Variants in OSBPL11 observed in about 807,000 individuals in gnomAD.
OSBPL11 encodes oxysterol binding protein like 11, also known as oxysterol-binding protein-related protein 11.
A neutral mutation model predicts 84.4 loss-of-function variants in OSBPL11; 33 were observed. The observed-to-expected ratio is 0.39, with a 90% CI of 0.30 to 0.52. The LOEUF is 0.52. Among genes scored for constraint, OSBPL11 ranks in the 20% least tolerant of loss-of-function variants. The pLI is 0.72. For missense variants in OSBPL11, 736 were observed against 901.1 expected (o/e 0.82, Z 2.35); for synonymous variants, 276 against 310.2 (o/e 0.89, Z 1.16).
In OSBPL11 at chr3:125,573,956, G is replaced by T. The variant is rs1936278989; in HGVS notation, c.666+2233C>A. ...TAACACTAAACTTACCCACAGATTT[G>T]ATTAAAATGTTCGTTTCAAACTCAC... On this transcript the variant is annotated intron_variant, in intron 5 of 12. Transcript: ENST00000296220. 2.7e-5 allele frequency among the ~76,000 whole-genome samples: 4 copies of T among 146,832 alleles called. No homozygotes were observed. The South Asian group carries it at 8.9e-4, about 33-fold the overall frequency.
At chr3:125,539,300 CATATAT>C (rs10678056) in intron 10 of OSBPL11, among the ~76,000 whole-genome samples, 5,068 of 67,374 alleles carry the variant, frequency 0.075, 200 homozygotes, top group Middle Eastern at 0.21. Context: ...TCACCACAGC[CATATAT>C]ATATATATAT....
chr3:125,594,860 A>G lies in OSBPL11; in HGVS notation c.-60T>C. On this transcript the variant is annotated 5_prime_UTR_variant, in exon 1 of 13. Transcript: ENST00000296220. ...GGAGAGAACAATTCTGTAGTTCTGT[A>G]GGTGACTTTTTTTTTTTAAGATTTG... 1 of 1,530,072 alleles carries G rather than the reference A, an allele frequency of 6.5e-7. No homozygotes were observed. Among genetic ancestry groups the G allele is most frequent in the African/African-American group, 1.4e-5 (1 of 70,876 alleles). 94.8% of individuals were successfully genotyped at this position (1,530,072 alleles called of 1,614,324 possible).
Position 125,547,579 on chromosome 3 carries a change from C to A in OSBPL11, c.1668G>T (p.Leu556=). The stretch of plus-strand genomic sequence containing the variant: ...ATGTGTACTCTTCTCCATGCTCCAA[C>A]AGACTAAGGATACCTGAATGTGAAA... The part of the protein sequence containing the change: ...VTMVGEGILS[L]LEHGEEYTFS... Residue 556 remains leucine (L), a synonymous_variant, in exon 10 of 13, where the codon CTG becomes CTT. Transcript: ENST00000296220. 1 of 1,604,382 alleles carries A rather than the reference C, an allele frequency of 6.2e-7. No homozygotes were observed. The highest frequency in any genetic ancestry group is 8.5e-7 in the Non-Finnish European group (1 of 1,175,554).
At chr3:125,551,601 T>C (rs891667574) in intron 9 of OSBPL11, among the ~76,000 whole-genome samples, 7 of 152,032 alleles carry the variant, frequency 4.6e-5, no homozygotes, top group Admixed American at 2.0e-4. Context: ...AAACCCCCCA[T>C]CTCTACTAAC....
At chr3:125,539,774 T>G (rs1935703312) in intron 10 of OSBPL11, among the ~76,000 whole-genome samples, 1 of 152,114 alleles carries the variant, frequency 6.6e-6, no homozygotes, top group African/African-American at 2.4e-5. Flanking sequence ...TGAGGTATTT[T>G]ATGTTCACTC....
In OSBPL11 at chr3:125,595,340, GC is replaced by G. The variant is rs549614734; in HGVS notation, c.-541del. Among the ~76,000 whole-genome samples, 135 of 152,166 alleles carry G rather than the reference GC, an allele frequency of 8.9e-4. No individual in the cohort carries two copies. Among genetic ancestry groups the G allele is most frequent in the African/African-American group, 3.1e-3 (129 of 41,538 alleles). On this transcript the variant is annotated 5_prime_UTR_variant, in exon 1 of 13. Transcript: ENST00000296220. Reference sequence around the variant, plus strand: ...CCGGGGAGGAGGGTCGGGGAATGAGGCCGCCGGGGGCGGGACGCCGGCTCCC... The same window carrying G: ...CCGGGGAGGAGGGTCGGGGAATGAGGCGCCGGGGGCGGGACGCCGGCTCCC...
chr3:125,591,910 G>A (rs1243109088), intron 1 of OSBPL11, among the ~76,000 whole-genome samples: 1 of 151,940 alleles, frequency 6.6e-6, no homozygotes, highest in Non-Finnish European at 1.5e-5. Context: ...AGCTGAATAG[G>A]AGGATCACTT....
At chr3:125,582,302 T>C (rs1310851023) in intron 2 of OSBPL11, among the ~76,000 whole-genome samples, 4 of 150,160 alleles carry the variant, frequency 2.7e-5, no homozygotes, top group African/African-American at 7.4e-5. Flanking sequence ...GCCATTGCAC[T>C]CCAGCTGGGT....
At chr3:125,563,035 T>C (rs962410787) in intron 7 of OSBPL11, among the ~76,000 whole-genome samples, 3 of 151,106 alleles carry the variant, frequency 2.0e-5, no homozygotes, top group Non-Finnish European at 4.4e-5. Flanking sequence ...ATTAACTCAA[T>C]AGACTATTTC....
intron 6 of OSBPL11, among the ~76,000 whole-genome samples, chr3:125,566,667 G>A (rs1431246613): frequency 6.6e-6 from 1 of 152,102 alleles, no homozygotes; most frequent in Non-Finnish European, 1.5e-5. Context: ...AATGTGATGA[G>A]CATCTTATTT....
At chr3:125,577,215 A>T in intron 4 of OSBPL11, among the ~76,000 whole-genome samples, 1 of 149,832 alleles carries the variant, frequency 6.7e-6, no homozygotes, top group East Asian at 1.9e-4. Context: ...AAGAACGATT[A>T]AAAAAAAAAT....
At chr3:125,547,736 T>A in intron 9 of OSBPL11, 144 bp from the exon 10 acceptor site, 1 of 621,576 alleles carries the variant, frequency 1.6e-6, no homozygotes, top group South Asian at 2.3e-5. Context: ...ACTGACTTCA[T>A]TTATAACTAT....
chr3:125,547,963 C>T (rs777222842), intron 9 of OSBPL11, among the ~76,000 whole-genome samples: 15 of 152,012 alleles, frequency 9.9e-5, no homozygotes, highest in Admixed American at 5.2e-4. Context: ...CTGCAACCTC[C>T]GACTCCTGGG....
intron 7 of OSBPL11, among the ~76,000 whole-genome samples, chr3:125,562,689 G>A (rs1003653167): frequency 4.6e-5 from 7 of 152,220 alleles, no homozygotes; most frequent in Non-Finnish European, 7.3e-5. Flanking sequence ...CATTTTGGGA[G>A]GCTGAGGTGG....
chr3:125,550,217 A>T (rs1357684449), intron 9 of OSBPL11, among the ~76,000 whole-genome samples: 1 of 151,970 alleles, frequency 6.6e-6, no homozygotes, highest in Non-Finnish European at 1.5e-5. Context: ...TTTACAAAAA[A>T]TACAAAAATT....
intron 10 of OSBPL11, among the ~76,000 whole-genome samples, chr3:125,540,328 C>CAAAAAAAAAAAAAAA (rs201858368): frequency 1.9e-4 from 16 of 85,336 alleles, no homozygotes; most frequent in Non-Finnish European, 3.2e-4. Flanking sequence ...GGCTCTGTCT[C>CAAAAAAAAAAAAAAA]AAAAAAAAAA....
intron 1 of OSBPL11, among the ~76,000 whole-genome samples, chr3:125,586,116 A>G (rs1287939381): frequency 6.6e-6 from 1 of 152,192 alleles, no homozygotes; most frequent in Admixed American, 6.5e-5. Context: ...TTTTTATAGA[A>G]TATTTTTAAT....
intron 5 of OSBPL11, 69 bp downstream of exon 5, chr3:125,576,120 T>G (rs1936318027): frequency 1.4e-6 from 2 of 1,434,680 alleles, no homozygotes; most frequent in Non-Finnish European, 1.9e-6. Flanking sequence ...GTATTTAAGT[T>G]TTTTTGTGAC....
At position 125,576,364 on chromosome 3, in the gene OSBPL11, T is replaced by C; in HGVS notation, c.491A>G (p.Asn164Ser). ...TQHHTEAIGK[N>S]NPPLKSRSFS... The stretch of plus-strand genomic sequence containing the variant: ...GCTCCGTGACTTCAGAGGAGGATTA[T>C]TCTGTTAGACAAAGAAAATCATTCC... Residue 164 changes from asparagine to serine, a missense_variant and splice_region_variant, in exon 5 of 13, where the codon AAT (asparagine) becomes AGT (serine). Around this residue, in one of 3 missense-constraint regions of OSBPL11, gnomAD observed 579 missense variants for 717.6 expected, o/e 0.81. Transcript: ENST00000296220. 3 of 1,562,406 alleles carry C rather than the reference T, an allele frequency of 1.9e-6. No individual in the cohort carries two copies. Among genetic ancestry groups the C allele is most frequent in the Non-Finnish European group, 2.6e-6 (3 of 1,163,202 alleles).
Sources: gnomAD v4.1 joint callset for allele counts (sites outside exome capture counted in the v4.1 genomes callset) on GRCh38, gnomAD v4.1.1 for gene constraint, gnomAD v4.1.1 regional missense constraint, MANE v1.5 for transcripts, NCBI Gene and HGNC (gene_info 2026-07-23, HGNC 2026-07-21) for gene names.